OTOG: variants seen among roughly 807,000 people sequenced by gnomAD.
OTOG encodes the protein otogelin.
OTOG carries 296 observed loss-of-function variants against 313.8 expected under a neutral mutation model. The observed-to-expected ratio is 0.94, with a 90% CI of 0.86 to 1.04. The LOEUF (loss-of-function observed/expected upper bound fraction) is 1.04, where lower values mean the gene tolerates loss of function less well. Among genes scored for constraint, OTOG ranks in the 50% least tolerant of loss-of-function variants. The pLI is 0.00. For missense variants in OTOG, 3,948 were observed against 3,840.1 expected, an observed-to-expected ratio of 1.03 and a Z score of -0.74; for synonymous variants, 1,533 against 1,554.9, an observed-to-expected ratio of 0.99 and a Z score of 0.33.
intron 39 of OTOG, among the ~76,000 whole-genome samples, chr11:17,620,720 T>C (rs1853843490): frequency 6.6e-6 from 1 of 152,220 alleles, no homozygotes; most frequent in Non-Finnish European, 1.5e-5. Flanking sequence ...TCATTTCTCT[T>C]TTGGGGACTT....
rs1853575821 is a variant in OTOG, at chr11:17,612,251, T to A, written c.6213T>A (p.Ala2071=). The A allele has an allele frequency of 1.3e-6, 2 of 1,547,512 alleles. No individual in the cohort carries two copies. Among genetic ancestry groups the A allele is most frequent in the South Asian group, 2.4e-5 (2 of 84,064 alleles). ...VNQSQHCPQG[A]APPRCGILGL... is the part of the protein sequence containing the mutation. ...AGTCCCAGCACTGTCCCCAGGGTGC[T>A]GCTCCCCCTCGCTGTGGGATCCTGG... Residue 2071 remains alanine (A), a synonymous_variant, in exon 37 of 56, where the codon GCT becomes GCA. Transcript: ENST00000399397.
chr11:17,599,376 T>C (rs926043695), intron 30 of OTOG, among the ~76,000 whole-genome samples: 2 of 152,228 alleles, frequency 1.3e-5, no homozygotes, highest in East Asian at 3.8e-4. Context: ...CCACACAAAA[T>C]ACACCTGCTT....
intron 23 of OTOG, among the ~76,000 whole-genome samples, chr11:17,584,608 C>T (rs570760805): frequency 1.5e-4 from 23 of 152,184 alleles, no homozygotes; most frequent in African/African-American, 5.3e-4. Context: ...TCACTGCAAC[C>T]TCCACCTCCC....
At chr11:17,572,010 G>C (rs939481817) in intron 17 of OTOG, 70 bp from the exon 18 acceptor site, 11 of 1,540,514 alleles carry the variant, frequency 7.1e-6, no homozygotes, top group Non-Finnish European at 9.6e-6. Context: ...GTGTTACCTG[G>C]ATCTATGCTA....
Position 17,612,288 on chromosome 11 carries a change from C to A in OTOG, c.6250C>A (p.Arg2084=), listed in dbSNP as rs180901190. 3 of 1,542,100 alleles carry A rather than the reference C, an allele frequency of 1.9e-6. No individual in the cohort carries two copies. In the South Asian group the frequency reaches 3.6e-5, roughly 18 times the overall value. Residue 2084 remains arginine, a synonymous_variant, in exon 37 of 56, where the codon CGG becomes AGG. Coordinates refer to ENST00000399397, the MANE Select transcript of OTOG (RefSeq NM_001292063.2). ...CTGTGGGATCCTGGGCCTCGCCGTGCGGGTGGGTGGGGACCGCTGCTGCCC... is the reference window on the plus strand; with the variant it reads ...CTGTGGGATCCTGGGCCTCGCCGTGAGGGTGGGTGGGGACCGCTGCTGCCC... ...PRCGILGLAV[R]VGGDRCCPLW... is the part of the protein sequence containing the mutation.
intron 17 of OTOG, among the ~76,000 whole-genome samples, chr11:17,571,520 G>A (rs1377788894): frequency 2.0e-5 from 3 of 152,154 alleles, no homozygotes; most frequent in Non-Finnish European, 2.9e-5. Flanking sequence ...CTTGTATGAC[G>A]GTTTCCTACT....
chr11:17,561,391 G>A (rs1852179458), intron 14 of OTOG, among the ~76,000 whole-genome samples: 1 of 152,230 alleles, frequency 6.6e-6, no homozygotes, highest in Non-Finnish European at 1.5e-5. Context: ...CCGAGCTAGG[G>A]GTACTTGGCC....
rs774316837 is a variant in OTOG at position 17,573,103 on chromosome 11, C to T, written c.2106C>T (p.Ser702=). The T allele has an allele frequency of 1.4e-5, 21 of 1,548,326 alleles. No individual in the cohort carries two copies. In the South Asian group the frequency reaches 2.0e-4, roughly 15 times the overall value. ...QAASYSVQAC[S]VLTGEMFAPC... is the part of the protein sequence containing the mutation. Reference sequence around the variant, plus strand: ...CCTCCTACTCAGTGCAGGCCTGCAGCGTGCTCACGGGGGAGATGTTTGCGC... The same window carrying T: ...CCTCCTACTCAGTGCAGGCCTGCAGTGTGCTCACGGGGGAGATGTTTGCGC... Residue 702 remains serine, a synonymous_variant, in exon 19 of 56, where the codon AGC becomes AGT. Transcript: ENST00000399397.
intron 19 of OTOG, among the ~76,000 whole-genome samples, chr11:17,574,030 C>T (rs574980217): frequency 2.0e-4 from 30 of 152,320 alleles, no homozygotes; most frequent in Admixed American, 7.8e-4. Flanking sequence ...CGAGTATCAA[C>T]GAAGGCAACA....
At chr11:17,633,452 T>C (rs1163773577) in intron 42 of OTOG, among the ~76,000 whole-genome samples, 1 of 152,204 alleles carries the variant, frequency 6.6e-6, no homozygotes, top group Admixed American at 6.5e-5. Context: ...AATAAAACTT[T>C]ATTTGTGAAA....
chr11:17,642,091 G>A, intron 52 of OTOG, 36 bp from the exon 53 acceptor site: 1 of 1,522,416 alleles, frequency 6.6e-7, no homozygotes, highest in South Asian at 1.3e-5. Context: ...TGTCCATCTG[G>A]CCACAGCTCC....
chr11:17,628,547 A>G (rs1032047509), intron 39 of OTOG, among the ~76,000 whole-genome samples: 7 of 152,340 alleles, frequency 4.6e-5, no homozygotes, highest in South Asian at 4.1e-4. Flanking sequence ...TTTAACAAAT[A>G]TTGATTGAGC....
intron 39 of OTOG, among the ~76,000 whole-genome samples, chr11:17,628,601 G>A (rs113489423): frequency 6.6e-6 from 1 of 152,178 alleles, no homozygotes; most frequent in Non-Finnish European, 1.5e-5. Context: ...GGGATTCAAA[G>A]GTAAATCAGG....
intron 15 of OTOG, among the ~76,000 whole-genome samples, chr11:17,567,891 CACTTTCTTTT>C (rs1486580859): frequency 1.1e-5 from 1 of 88,808 alleles, no homozygotes; most frequent in Non-Finnish European, 2.2e-5. Context: ...ATGTTAGTAA[CACTTTCTTTT>C]CTTTTCTTTT....
At chr11:17,554,404 C>T (rs1033050113) in intron 6 of OTOG, among the ~76,000 whole-genome samples, 12 of 152,210 alleles carry the variant, frequency 7.9e-5, no homozygotes, top group African/African-American at 1.7e-4. Flanking sequence ...TATAGGAACA[C>T]GTGTGAAAGC....
Position 17,611,200 on chromosome 11 carries a change from G to A in OTOG, c.5900G>A (p.Ser1967Asn). The change falls in exon 36 of 56, where the codon AGC becomes AAC. Residue 1967 changes from serine (S) to asparagine (N), a missense_variant. Ser to Asn is a conservative substitution (Grantham distance 46, BLOSUM62 1). Coordinates refer to ENST00000399397, the MANE Select transcript of OTOG (RefSeq NM_001292063.2). The stretch of plus-strand genomic sequence containing the variant: ...CCAGTGCCCACATCCTATGCCCTGA[G>A]CCGTGTCTCAGCCAGGACGGCCCCC... ...ALPVPTSYAL[S>N]RVSARTAPQD... 6.4e-7 allele frequency: 1 copy of A among 1,550,568 alleles called. No homozygotes were observed. The highest frequency in any genetic ancestry group is 1.4e-5 in the African/African-American group (1 of 73,186).
rs532742595 is a variant in OTOG, at chr11:17,640,017, C to T, written c.7935+554C>T. On this transcript the variant is annotated intron_variant, in intron 49 of 55. Coordinates refer to ENST00000399397, the MANE Select transcript of OTOG (RefSeq NM_001292063.2). ...GACGATGGTGATGGTGGTGATAATG[C>T]AATGACAATGGTGGTAGTGGGGAAG... Among the ~76,000 whole-genome samples the T allele has an allele frequency of 1.3e-4, 18 of 142,576 alleles. No individual in the cohort carries two copies. The South Asian group carries it at 4.1e-3, about 32-fold the overall frequency. 93.5% of individuals were successfully genotyped at this position (142,576 alleles called of 152,430 possible).
chr11:17,593,526 T>C, intron 26 of OTOG, 84 bp from the exon 27 acceptor site: 8 of 1,511,274 alleles, frequency 5.3e-6, no homozygotes, highest in Middle Eastern at 2.3e-4. Context: ...GGCAGAGGCA[T>C]TGGTGAGGGC....
intron 35 of OTOG, 29 bp from the exon 36 acceptor site, chr11:17,609,626 C>A: frequency 6.8e-7 from 1 of 1,465,274 alleles, no homozygotes; most frequent in African/African-American, 1.4e-5. Context: ...GTCACCCCGC[C>A]TTCTGAACCT....
Sources: allele counts gnomAD v4.1 joint callset (sites outside exome capture counted in the v4.1 genomes callset), GRCh38; gene constraint gnomAD v4.1.1; transcripts MANE v1.5; gene names NCBI Gene and HGNC (gene_info 2026-07-23, HGNC 2026-07-21).